The following ASAP2 variants were observed in gnomAD, a reference collection of about 807,000 sequenced individuals.
ASAP2 encodes ArfGAP with SH3 domain, ankyrin repeat and PH domain 2, also known as arf-GAP with SH3 domain, ANK repeat and PH domain-containing protein 2.
ASAP2 carries 45 observed loss-of-function variants against 131.4 expected under a neutral mutation model. That is an observed-to-expected ratio of 0.34 (90% CI 0.27 to 0.44). The LOEUF is 0.44. Among genes scored for constraint, ASAP2 ranks in the 20% least tolerant of loss-of-function variants. The probability of loss-of-function intolerance (pLI) is 1.00; values close to 1 mark genes in which losing one functional copy is unlikely to be tolerated. For synonymous variants in ASAP2, 510 were observed against 503.0 expected (o/e 1.01, Z -0.19); for missense variants, 1,011 against 1,297.0 (o/e 0.78, Z 3.39).
intron 22 of ASAP2, among the ~76,000 whole-genome samples, chr2:9,390,391 C>T (rs571655086): frequency 2.0e-5 from 3 of 152,370 alleles, no homozygotes; most frequent in South Asian, 2.1e-4. Flanking sequence ...CCCTACAGGC[C>T]GTGCACAGCC....
At chr2:9,220,709 A>G (rs1457457658) in intron 1 of ASAP2, among the ~76,000 whole-genome samples, 1 of 152,214 alleles carries the variant, frequency 6.6e-6, no homozygotes, top group African/African-American at 2.4e-5. Context: ...TTTTGATGAC[A>G]TCCAGAATAG....
At chr2:9,270,862 G>T (rs373682144) in intron 1 of ASAP2, among the ~76,000 whole-genome samples, 1 of 141,936 alleles carries the variant, frequency 7.0e-6, no homozygotes, top group Non-Finnish European at 1.5e-5. Flanking sequence ...GCGCGATCTC[G>T]GCTCACTGCA....
At chr2:9,374,546 T>C (rs1674235335) in intron 16 of ASAP2, among the ~76,000 whole-genome samples, 1 of 151,500 alleles carries the variant, frequency 6.6e-6, no homozygotes, top group African/African-American at 2.4e-5. Context: ...ACATGGGGAG[T>C]TGTCCCCCTG....
intron 15 of ASAP2, 78 bp from the exon 16 acceptor site, chr2:9,368,347 T>A: frequency 7.7e-7 from 1 of 1,297,608 alleles, no homozygotes; most frequent in Non-Finnish European, 1.1e-6. Context: ...AAATAAATCA[T>A]CAGATGGGGA....
intron 9 of ASAP2, among the ~76,000 whole-genome samples, chr2:9,337,547 G>C (rs1671291597): frequency 6.6e-6 from 1 of 152,144 alleles, no homozygotes; most frequent in Non-Finnish European, 1.5e-5. Flanking sequence ...CCCTCCCTGT[G>C]TAATAACAGT....
chr2:9,385,052 G>A (rs1675160949), intron 20 of ASAP2, among the ~76,000 whole-genome samples, 193 bp from the exon 21 acceptor site: 2 of 152,360 alleles, frequency 1.3e-5, no homozygotes, highest in African/African-American at 4.8e-5. Context: ...GCCTTTGCTG[G>A]GACATACCAG....
At chr2:9,274,490 T>G (rs1572325719) in intron 1 of ASAP2, among the ~76,000 whole-genome samples, 2 of 151,950 alleles carry the variant, frequency 1.3e-5, no homozygotes, top group Admixed American at 1.3e-4. Context: ...GCCCAGCTAA[T>G]TTTTGTATTT....
chr2:9,314,221 T>C (rs1669499760), intron 3 of ASAP2, among the ~76,000 whole-genome samples: 1 of 152,146 alleles, frequency 6.6e-6, no homozygotes, highest in Admixed American at 6.5e-5. Context: ...TGACCTCAGG[T>C]GATCTGCCTG....
chr2:9,238,351 G>A (rs972414275), intron 1 of ASAP2, among the ~76,000 whole-genome samples: 7 of 152,176 alleles, frequency 4.6e-5, no homozygotes, highest in Non-Finnish European at 8.8e-5. Flanking sequence ...TGGACTTAGG[G>A]GAACCGCTTG....
At position 9,258,940 on chromosome 2, in the gene ASAP2, C is replaced by T. The variant is rs1300927148; in HGVS notation, c.127-20377C>T. Among the ~76,000 whole-genome samples the T allele has an allele frequency of 3.9e-5, 6 of 152,200 alleles. No homozygotes were observed. The South Asian group carries it at 6.2e-4, about 16-fold the overall frequency. On this transcript the variant is annotated intron_variant, in intron 1 of 27. Transcript: ENST00000281419. ...TGATTACAGACTGGGGTCTGCAGCC[C>T]TCCAGTGATATTCCTCGGATTGCAG... is the stretch of plus-strand genomic sequence containing the variant.
Position 9,257,326 on chromosome 2 carries a change from A to G in ASAP2, c.127-21991A>G, listed in dbSNP as rs137905963. Among the ~76,000 whole-genome samples, 511 of 152,358 alleles carry G rather than the reference A, an allele frequency of 3.4e-3. 5 individuals carry two copies. The highest frequency in any genetic ancestry group is 0.011 in the African/African-American group (478 of 41,580). The stretch of plus-strand genomic sequence containing the variant: ...TTTTATAGTAGTCTCAAACAGTGGT[A>G]GGAAGGATATACCTACTTAGTAAGC... On this transcript the variant is annotated intron_variant, in intron 1 of 27. Transcript: ENST00000281419.
At position 9,397,727 on chromosome 2, in the gene ASAP2, G is replaced by GAGATAT. The variant is rs897153464; in HGVS notation, c.2685-2295_2685-2294insGATATA. 9.3e-4 allele frequency among the ~76,000 whole-genome samples: 78 copies of GAGATAT among 83,520 alleles called. 10 individuals carry two copies. Among genetic ancestry groups the GAGATAT allele is most frequent in the African/African-American group, 5.6e-3 (73 of 12,982 alleles). The allele number at this position is 83,520 out of a possible 152,430, so 54.8% of individuals were successfully genotyped here. A position where few individuals can be genotyped will look rare whatever the true frequency, so the allele number is the denominator to read the frequency against. On this transcript the variant is annotated intron_variant, in intron 24 of 27. Coordinates refer to ENST00000281419, the MANE Select transcript of ASAP2 (RefSeq NM_003887.3). ...TTGGTTGGGAAAAAAAAATCAAAAG[G>GAGATAT]ATATATATATATATATATATATATT...
intron 1 of ASAP2, among the ~76,000 whole-genome samples, chr2:9,236,825 C>T (rs1663587208): frequency 6.6e-6 from 1 of 151,970 alleles, no homozygotes; most frequent in Non-Finnish European, 1.5e-5. Context: ...TCTCTTTCTC[C>T]TTTCCTGTGT....
chr2:9,226,257 C>T (rs1380585801), intron 1 of ASAP2, among the ~76,000 whole-genome samples: 1 of 152,198 alleles, frequency 6.6e-6, no homozygotes, highest in Non-Finnish European at 1.5e-5. Context: ...CTACCATTTA[C>T]AAATAAAAGA....
At chr2:9,330,144 T>C (rs1017534007) in intron 7 of ASAP2, among the ~76,000 whole-genome samples, 5 of 152,210 alleles carry the variant, frequency 3.3e-5, no homozygotes, top group South Asian at 2.1e-4. Flanking sequence ...GCTTTGATGA[T>C]GTTGCATTTC....
intron 20 of ASAP2, among the ~76,000 whole-genome samples, chr2:9,382,856 ATAGATTAAACCCAATTCAT>A (rs1468679534): frequency 6.6e-6 from 1 of 152,236 alleles, no homozygotes; most frequent in Middle Eastern, 3.2e-3. Flanking sequence ...TGCCTGCTGC[ATAGATTAAACCCAATTCAT>A]GAGACAGTGT....
At chr2:9,372,688 T>A (rs1318579199) in intron 16 of ASAP2, among the ~76,000 whole-genome samples, 1 of 152,094 alleles carries the variant, frequency 6.6e-6, no homozygotes, top group African/African-American at 2.4e-5. Flanking sequence ...AAGATAATGA[T>A]TCACCCACTT....
intron 9 of ASAP2, among the ~76,000 whole-genome samples, chr2:9,341,782 G>A (rs897831622): frequency 6.6e-6 from 1 of 152,184 alleles, no homozygotes; most frequent in Non-Finnish European, 1.5e-5. Context: ...TGGTGCCGAT[G>A]TTCCGCCCTT....
intron 15 of ASAP2, among the ~76,000 whole-genome samples, chr2:9,362,663 A>C (rs1272613379): frequency 1.3e-5 from 2 of 151,832 alleles, no homozygotes; most frequent in Non-Finnish European, 2.9e-5. Context: ...ACATAGGGAG[A>C]CCTCCATCTC....
Sources: gnomAD v4.1 joint callset for allele counts (sites outside exome capture counted in the v4.1 genomes callset) on GRCh38, gnomAD v4.1.1 for gene constraint, MANE v1.5 for transcripts, NCBI Gene and HGNC (gene_info 2026-07-23, HGNC 2026-07-21) for gene names.